The following CAST variants were observed in gnomAD, a reference collection of about 807,000 sequenced individuals.
CAST encodes the protein calpastatin, also known as MIR583 host.
CAST carries 76 observed loss-of-function variants against 119.6 expected under a neutral mutation model. The ratio of observed to expected loss-of-function variants is 0.64; its 90% CI spans 0.53 to 0.77. The LOEUF is 0.77. CAST is among the 30% of genes least tolerant of loss of function. The probability of loss-of-function intolerance (pLI) is 0.00; values close to 1 mark genes in which losing one functional copy is unlikely to be tolerated. For missense variants in CAST, 953 were observed against 946.5 expected (o/e 1.01, Z -0.09); for synonymous variants, 319 against 331.6 (o/e 0.96, Z 0.41).
At chr5:96,156,099 G>A in the CAST span, among the ~76,000 whole-genome samples, 1 of 152,200 alleles carries the variant, frequency 6.6e-6, no homozygotes, top group Non-Finnish European at 1.5e-5. Flanking sequence ...CCAGAATTAA[G>A]CCCCAGCCTT....
At chr5:96,483,376 T>C in the CAST span, among the ~76,000 whole-genome samples, 1 of 152,198 alleles carries the variant, frequency 6.6e-6, no homozygotes, top group Non-Finnish European at 1.5e-5. Context: ...TCATGCACTT[T>C]TCCATGCCTA....
At chr5:96,376,444 T>C in the CAST span, among the ~76,000 whole-genome samples, 1 of 152,012 alleles carries the variant, frequency 6.6e-6, no homozygotes, top group South Asian at 2.1e-4. Context: ...TCTATTTTTT[T>C]TTTTTTATTT....
the CAST span, among the ~76,000 whole-genome samples, chr5:96,447,757 TTG>T: frequency 6.6e-6 from 1 of 151,360 alleles, no homozygotes; most frequent in Non-Finnish European, 1.5e-5. Context: ...CATGTGGGAG[TTG>T]TGTGTGTGTA....
At chr5:96,570,697 A>G (rs895756816) in intron 1 of CAST, among the ~76,000 whole-genome samples, 7 of 152,220 alleles carry the variant, frequency 4.6e-5, no homozygotes, top group Admixed American at 2.0e-4. Context: ...CAACTTCGGT[A>G]AAGATTTAAA....
chr5:96,556,468 T>C (rs542115287), intron 1 of CAST, among the ~76,000 whole-genome samples: 6 of 152,178 alleles, frequency 3.9e-5, no homozygotes, highest in African/African-American at 1.4e-4. Context: ...TTGAAAAAAA[T>C]TAGACAAATG....
At chr5:96,202,425 G>A in the CAST span, among the ~76,000 whole-genome samples, 1 of 152,036 alleles carries the variant, frequency 6.6e-6, no homozygotes, top group Non-Finnish European at 1.5e-5. Context: ...TGACATAATT[G>A]TGGAGGAAAG....
At chr5:96,116,718 G>A in the CAST span, among the ~76,000 whole-genome samples, 1 of 151,960 alleles carries the variant, frequency 6.6e-6, no homozygotes, top group African/African-American at 2.4e-5. Flanking sequence ...ATCATCATTT[G>A]CATATTGTTC....
the CAST span, among the ~76,000 whole-genome samples, chr5:96,301,376 C>T: frequency 2.0e-5 from 3 of 152,164 alleles, no homozygotes; most frequent in South Asian, 2.1e-4. Context: ...TATTATCCTG[C>T]CCCTGGCCCC....
At chr5:96,284,115 A>G in the CAST span, among the ~76,000 whole-genome samples, 1 of 152,180 alleles carries the variant, frequency 6.6e-6, no homozygotes, top group African/African-American at 2.4e-5. Context: ...ATGAAACTGT[A>G]TGTTTCACAG....
the CAST span, among the ~76,000 whole-genome samples, chr5:96,200,532 T>C: frequency 6.6e-6 from 1 of 152,158 alleles, no homozygotes; most frequent in African/African-American, 2.4e-5. Flanking sequence ...GAACATCATA[T>C]GTGTTCAATA....
chr5:96,039,330 T>C, the CAST span, among the ~76,000 whole-genome samples: 34 of 152,354 alleles, frequency 2.2e-4, no homozygotes, highest in African/African-American at 7.5e-4. Flanking sequence ...GGTTGTCCGT[T>C]CATGCTGATG....
the CAST span, among the ~76,000 whole-genome samples, chr5:96,353,115 AT>A: frequency 7.4e-6 from 1 of 135,394 alleles, no homozygotes; most frequent in Admixed American, 8.2e-5. Context: ...ACAAATACTG[AT>A]TGATAAAAAA....
At chr5:96,072,763 G>A in the CAST span, among the ~76,000 whole-genome samples, 1 of 152,184 alleles carries the variant, frequency 6.6e-6, no homozygotes. Context: ...AGTGGCTCTT[G>A]CTGTTTGGAG....
At chr5:96,192,487 T>C in the CAST span, among the ~76,000 whole-genome samples, 2 of 152,218 alleles carry the variant, frequency 1.3e-5, no homozygotes, top group African/African-American at 4.8e-5. Context: ...AACATAGAAC[T>C]GTCATATCCT....
the CAST span, among the ~76,000 whole-genome samples, chr5:96,128,575 T>C: frequency 1.3e-5 from 2 of 152,114 alleles, no homozygotes; most frequent in African/African-American, 2.4e-5. Context: ...GACACTATCC[T>C]CCAACCTTTC....
At chr5:96,242,906 A>G in the CAST span, among the ~76,000 whole-genome samples, 1 of 152,310 alleles carries the variant, frequency 6.6e-6, no homozygotes, top group Non-Finnish European at 1.5e-5. Flanking sequence ...TGACTTTTGT[A>G]TTATTCTTGC....
At chr5:96,281,637 C>T in the CAST span, among the ~76,000 whole-genome samples, 1 of 152,090 alleles carries the variant, frequency 6.6e-6, no homozygotes, top group Non-Finnish European at 1.5e-5. Context: ...CAATGGAGCT[C>T]CGGCCATGAT....
the CAST span, among the ~76,000 whole-genome samples, chr5:96,049,557 T>C: frequency 4.6e-4 from 70 of 151,670 alleles, no homozygotes; most frequent in Non-Finnish European, 6.5e-4. Context: ...GGTGAGGGAG[T>C]TGCCTTACTT....
intron 1 of CAST, among the ~76,000 whole-genome samples, chr5:96,608,659 G>T (rs1747302669): frequency 6.6e-6 from 1 of 152,122 alleles, no homozygotes; most frequent in Non-Finnish European, 1.5e-5. Context: ...GTCCATTCTT[G>T]CATGGTTATA....
Sources: gnomAD v4.1 joint callset for allele counts (sites outside exome capture counted in the v4.1 genomes callset) on GRCh38, gnomAD v4.1.1 for gene constraint, MANE v1.5 for transcripts, NCBI Gene and HGNC (gene_info 2026-07-23, HGNC 2026-07-21) for gene names.